Variants in GABRB3 observed in about 807,000 individuals in gnomAD.
The protein encoded by GABRB3 is gamma-aminobutyric acid type A receptor subunit beta3, also known as gamma-aminobutyric acid receptor subunit beta-3.
GABRB3 carries 14 observed loss-of-function variants against 52.1 expected under a neutral mutation model. The ratio of observed to expected loss-of-function variants is 0.27; its 90% confidence interval spans 0.18 to 0.42. The LOEUF is 0.42. GABRB3 is among the 10% of genes least tolerant of loss of function. GABRB3 has a pLI of 1.00. For missense variants in GABRB3, 307 were observed against 609.1 expected, an observed-to-expected ratio of 0.50 and a Z score of 5.22; for synonymous variants, 260 against 232.3, an observed-to-expected ratio of 1.12 and a Z score of -1.08.
chr15:26,666,640 G>A (rs571956531), intron 3 of GABRB3: 1 of 152,348 alleles, frequency 6.6e-6, no homozygotes, highest in African/African-American at 2.4e-5. Context: ...GAACTAGGGA[G>A]GCAATCTAGT....
intron 3 of GABRB3, among the ~76,000 whole-genome samples, chr15:26,696,538 G>A (rs1888746359): frequency 6.6e-6 from 1 of 152,034 alleles, no homozygotes; most frequent in South Asian, 2.1e-4. Flanking sequence ...GCTATGCCTG[G>A]TATAACCCCA....
At position 26,545,208 on chromosome 15, in the gene GABRB3, G is replaced by T. The variant is rs1044654975; in HGVS notation, c.*2585C>A. ...TATGTATGTATTTGTGTGTGTGTGT[G>T]TGTGTGTGTGTGTAGTTACAAACAC... is the stretch of plus-strand genomic sequence containing the variant. On this transcript the variant is annotated 3_prime_UTR_variant, in exon 9 of 9. Coordinates refer to ENST00000311550, the MANE Select transcript of GABRB3 (RefSeq NM_000814.6). The T allele has an allele frequency of 2.6e-5, 4 of 152,516 alleles. No individual in the cohort carries two copies. Among genetic ancestry groups the T allele is most frequent in the African/African-American group, 9.6e-5 (4 of 41,492 alleles). The allele number at this position is 152,516 out of a possible 1,614,324, so 9.4% of individuals were successfully genotyped here.
chr15:26,714,699 G>A (rs1179877301), intron 3 of GABRB3, among the ~76,000 whole-genome samples: 1 of 152,194 alleles, frequency 6.6e-6, no homozygotes, highest in Non-Finnish European at 1.5e-5. Context: ...ACCCTAAGAA[G>A]TTCGCAGCTT....
At position 26,602,869 on chromosome 15, in the gene GABRB3, A is replaced by G. The variant is rs187363114; in HGVS notation, c.461+18445T>C. ...GATGTATCTTTACTAGAAAAGCAAG[A>G]GCAAACAAAACCCCAAATTAATAGA... On this transcript the variant is annotated intron_variant, in intron 4 of 8. Coordinates refer to ENST00000311550, the MANE Select transcript of GABRB3 (RefSeq NM_000814.6). 3.0e-4 allele frequency among the ~76,000 whole-genome samples: 46 copies of G among 152,198 alleles called. No homozygotes were observed. In the East Asian group the frequency reaches 8.3e-3, roughly 27 times the overall value.
intron 3 of GABRB3, among the ~76,000 whole-genome samples, chr15:26,671,931 C>T (rs1303010205): frequency 6.6e-6 from 1 of 152,116 alleles, no homozygotes; most frequent in Non-Finnish European, 1.5e-5. Flanking sequence ...AGTTACTTGT[C>T]ATTTTCACAT....
At chr15:26,570,134 T>C (rs1317204434) in intron 6 of GABRB3, among the ~76,000 whole-genome samples, 1 of 152,262 alleles carries the variant, frequency 6.6e-6, no homozygotes, top group African/African-American at 2.4e-5. Flanking sequence ...CTTGTGATTG[T>C]TAAAACTTGT....
At chr15:26,735,505 T>C (rs1890041548) in intron 3 of GABRB3, among the ~76,000 whole-genome samples, 1 of 152,202 alleles carries the variant, frequency 6.6e-6, no homozygotes, top group Non-Finnish European at 1.5e-5. Context: ...AGCTAAAATG[T>C]AGAAGTGACC....
Position 26,761,191 on chromosome 15 carries a change from G to A in GABRB3, c.240+11211C>T, listed in dbSNP as rs1039477569. Among the ~76,000 whole-genome samples the A allele has an allele frequency of 9.2e-5, 14 of 152,204 alleles. 1 individual carries two copies. The highest frequency in any genetic ancestry group is 7.2e-4 in the Admixed American group (11 of 15,284). On this transcript the variant is annotated intron_variant, in intron 3 of 8. Coordinates refer to ENST00000311550, the MANE Select transcript of GABRB3 (RefSeq NM_000814.6). ...AGGCGGATCACCAGGTCAGAAGTTC[G>A]AGACCAGCCTGGCCAACATAGTGAA...
At chr15:26,742,589 C>T (rs145333058) in intron 3 of GABRB3, among the ~76,000 whole-genome samples, 211 of 152,308 alleles carry the variant, frequency 1.4e-3, no homozygotes, top group East Asian at 0.012. Flanking sequence ...CAAGGCTTGA[C>T]GCACCATCTT....
rs185340792 is a variant in GABRB3, at chr15:26,734,099, G to A, written c.240+38303C>T. 2.0e-4 allele frequency among the ~76,000 whole-genome samples: 27 copies of A among 132,776 alleles called. 1 individual carries two copies. In the East Asian group the frequency reaches 4.0e-3, roughly 20 times the overall value. 87.1% of individuals were successfully genotyped at this position (132,776 alleles called of 152,430 possible). A position where few individuals can be genotyped will look rare whatever the true frequency, so the allele number is the denominator to read the frequency against. ...GGCTGGAGTGCAATGGCATGATCTCGCCTCAACACAACCTCCGCCTCCTGG... is the reference window on the plus strand; with the variant it reads ...GGCTGGAGTGCAATGGCATGATCTCACCTCAACACAACCTCCGCCTCCTGG... On this transcript the variant is annotated intron_variant, in intron 3 of 8. Coordinates refer to ENST00000311550, the MANE Select transcript of GABRB3 (RefSeq NM_000814.6).
intron 3 of GABRB3, chr15:26,716,577 C>A (rs764639199): frequency 3.9e-5 from 39 of 992,606 alleles, no homozygotes; most frequent in Non-Finnish European, 4.7e-5. Context: ...CTTCTCACAG[C>A]CTGCCTCACA....
At chr15:26,574,075 G>T (rs1890508364) in intron 6 of GABRB3, among the ~76,000 whole-genome samples, 1 of 152,104 alleles carries the variant, frequency 6.6e-6, no homozygotes. Context: ...TTATAAAAAA[G>T]ACAAATAACT....
chr15:26,559,294 G>A (rs188314939), intron 8 of GABRB3, among the ~76,000 whole-genome samples: 12 of 152,286 alleles, frequency 7.9e-5, no homozygotes, highest in African/African-American at 2.6e-4. Flanking sequence ...CTTTTGCCAT[G>A]TAAGTTGCCT....
intron 3 of GABRB3, among the ~76,000 whole-genome samples, chr15:26,738,271 C>T (rs1185599896): frequency 2.0e-5 from 3 of 152,104 alleles, no homozygotes; most frequent in South Asian, 2.1e-4. Flanking sequence ...TTAGTAGAGA[C>T]GGGGTTTCAC....
chr15:26,741,292 A>C (rs1566825885), intron 3 of GABRB3, among the ~76,000 whole-genome samples: 1 of 152,180 alleles, frequency 6.6e-6, no homozygotes, highest in Non-Finnish European at 1.5e-5. Context: ...AGAGAAGAAA[A>C]AAAGGAAAAT....
chr15:26,690,635 G>T lies in GABRB3; in HGVS notation c.241-69101C>A, dbSNP rs192927141. Among the ~76,000 whole-genome samples, 284 of 151,920 alleles carry T rather than the reference G, an allele frequency of 1.9e-3. 1 individual carries two copies. Among genetic ancestry groups the T allele is most frequent in the Middle Eastern group, 3.4e-3 (1 of 294 alleles). The stretch of plus-strand genomic sequence containing the variant: ...TCTGGTCATTCCAGGGCAGACGGCT[G>T]GCATTTGCTCATCCTGTCCCAGTGA... On this transcript the variant is annotated intron_variant, in intron 3 of 8. Transcript: ENST00000311550.
At chr15:26,750,069 C>A (rs1018542993) in intron 3 of GABRB3, 2 of 152,168 alleles carry the variant, frequency 1.3e-5, no homozygotes, top group African/African-American at 4.8e-5. Context: ...TGTTTCTATT[C>A]TCTCTTCGAT....
intron 3 of GABRB3, among the ~76,000 whole-genome samples, chr15:26,632,479 A>C (rs889837821): frequency 6.6e-6 from 1 of 152,230 alleles, no homozygotes; most frequent in Non-Finnish European, 1.5e-5. Flanking sequence ...TTTTCTTTAT[A>C]AGTCTAAAAA....
intron 4 of GABRB3, among the ~76,000 whole-genome samples, chr15:26,589,899 A>G (rs1891129579): frequency 1.3e-5 from 2 of 152,308 alleles, no homozygotes; most frequent in Admixed American, 1.3e-4. Flanking sequence ...ATGTGGAAAG[A>G]GAAGGAGTTG....
Sources: gnomAD v4.1 joint callset for allele counts (sites outside exome capture counted in the v4.1 genomes callset) on GRCh38, gnomAD v4.1.1 for gene constraint, MANE v1.5 for transcripts, NCBI Gene and HGNC (gene_info 2026-07-23, HGNC 2026-07-21) for gene names.